SLC43A2: variants seen among roughly 807,000 people sequenced by gnomAD.
The protein encoded by SLC43A2 is solute carrier family 43 member 2.
In SLC43A2, 38 loss-of-function variants were observed where a neutral mutation model predicts 63.2. The ratio of observed to expected loss-of-function variants is 0.60; its 90% CI spans 0.46 to 0.79. The LOEUF (loss-of-function observed/expected upper bound fraction) is 0.79. Ranked by LOEUF, SLC43A2 falls within the 30% of genes least tolerant of loss-of-function variation. SLC43A2 has a pLI of 0.00. For missense variants in SLC43A2, 644 were observed against 756.2 expected, an observed-to-expected ratio of 0.85 and a Z score of 1.74; for synonymous variants, 322 against 331.0, an observed-to-expected ratio of 0.97 and a Z score of 0.30.
Position 1,607,479 on chromosome 17 carries a change from G to T in SLC43A2, c.501+5716C>A, listed in dbSNP as rs1038205615. Reference sequence around the variant, plus strand: ...TTTTGGGGTCTGTTCTCAAGGAGCAGGCACTGGAGCCCTCATCAGAGGCCT... The same window carrying T: ...TTTTGGGGTCTGTTCTCAAGGAGCATGCACTGGAGCCCTCATCAGAGGCCT... On this transcript the variant is annotated intron_variant, in intron 5 of 13. Transcript: ENST00000301335. Among the ~76,000 whole-genome samples the T allele has an allele frequency of 2.6e-5, 4 of 152,172 alleles. No individual in the cohort carries two copies. The East Asian group carries it at 7.7e-4, about 29-fold the overall frequency.
intron 2 of SLC43A2, among the ~76,000 whole-genome samples, chr17:1,619,861 A>C (rs4790237): frequency 1 from 151,827 of 152,330 alleles, 75,672 homozygotes; most frequent in South Asian, 1. Context: ...ACTTGTGGGG[A>C]CAGTGACTGC....
intron 11 of SLC43A2, among the ~76,000 whole-genome samples, chr17:1,579,018 G>A (rs1448977656): frequency 6.6e-6 from 1 of 151,822 alleles, no homozygotes; most frequent in East Asian, 1.9e-4. Context: ...GTGGGCACCT[G>A]TAATCTCAGC....
At chr17:1,597,318 C>T (rs1373508092) in intron 5 of SLC43A2, among the ~76,000 whole-genome samples, 1 of 145,460 alleles carries the variant, frequency 6.9e-6, no homozygotes, top group Non-Finnish European at 1.5e-5. Context: ...GCCTGGCGAA[C>T]ATGGTGAAAC....
At chr17:1,586,928 T>TGGGGCC in intron 9 of SLC43A2, 27 of 1,232,856 alleles carry the variant, frequency 2.2e-5, no homozygotes, top group Non-Finnish European at 2.8e-5. Flanking sequence ...TCCCTGACAA[T>TGGGGCC]CCCCCCCACC....
In SLC43A2 at chr17:1,613,188, T is replaced by C. The variant is rs754302820; in HGVS notation, c.501+7A>G. The stretch of plus-strand genomic sequence containing the variant: ...GAACTACAGAGCTTTAAAAAATCTG[T>C]ACTCACTGTTAATGAGGTGAAGGTC... On this transcript the variant is annotated splice_region_variant and intron_variant, in intron 5 of 13. Coordinates refer to ENST00000301335, the MANE Select transcript of SLC43A2 (RefSeq NM_152346.3). The C allele has an allele frequency of 1.2e-6, 2 of 1,610,992 alleles. No individual in the cohort carries two copies. Among genetic ancestry groups the C allele is most frequent in the South Asian group, 2.2e-5 (2 of 91,002 alleles).
Position 1,583,706 on chromosome 17 carries a change from G to A in SLC43A2, c.1218-370C>T, listed in dbSNP as rs781486863. 2.8e-5 allele frequency: 6 copies of A among 212,610 alleles called. No homozygotes were observed. The highest frequency in any genetic ancestry group is 4.5e-5 in the African/African-American group (2 of 44,100). 13.2% of individuals were successfully genotyped at this position (212,610 alleles called of 1,614,324 possible). On this transcript the variant is annotated intron_variant, in intron 10 of 13. Coordinates refer to ENST00000301335, the MANE Select transcript of SLC43A2 (RefSeq NM_152346.3). The surrounding 1 kb of genome is among the most constrained non-coding windows in gnomAD (Gnocchi z 5.5). ...CAAGTTCACCCAAATCTTGCAGGAC[G>A]CTGATAAGAAGCCAGATACAAGCCA... is the stretch of plus-strand genomic sequence containing the variant.
intron 2 of SLC43A2, among the ~76,000 whole-genome samples, chr17:1,619,512 A>G (rs1907964446): frequency 6.6e-6 from 1 of 152,184 alleles, no homozygotes; most frequent in Non-Finnish European, 1.5e-5. Flanking sequence ...TCCAAAAAGA[A>G]GCTCTACCAC....
At chr17:1,623,385 G>A (rs1281561349) in intron 2 of SLC43A2, among the ~76,000 whole-genome samples, 1 of 152,142 alleles carries the variant, frequency 6.6e-6, no homozygotes, top group Non-Finnish European at 1.5e-5. Context: ...TCAGACTGTG[G>A]GTGACTTCCT....
rs2075816267 is a variant in SLC43A2 at position 1,569,503 on chromosome 17, C to T, written c.*6101G>A. The T allele has an allele frequency of 6.6e-6, 1 of 152,252 alleles. No individual in the cohort carries two copies. The highest frequency in any genetic ancestry group is 1.5e-5 in the Non-Finnish European group (1 of 68,060). 9.4% of individuals were successfully genotyped at this position (152,252 alleles called of 1,614,324 possible). ...AGGGATTCAGCGAGGTAAGACGCTT[C>T]CCCTCTCCTCCATTCAGAGAGCGGC... On this transcript the variant is annotated 3_prime_UTR_variant, in exon 14 of 14. Transcript: ENST00000301335.
Position 1,573,724 on chromosome 17 carries a change from A to G in SLC43A2, c.*1880T>C, listed in dbSNP as rs1471858293. 1 of 151,800 alleles carries G rather than the reference A, an allele frequency of 6.6e-6. No individual in the cohort carries two copies. The highest frequency in any genetic ancestry group is 1.5e-5 in the Non-Finnish European group (1 of 68,030). The allele number at this position is 151,800 out of a possible 1,614,324, so 9.4% of individuals were successfully genotyped here. A position where few individuals can be genotyped will look rare whatever the true frequency, so the allele number is the denominator to read the frequency against. On this transcript the variant is annotated 3_prime_UTR_variant, in exon 14 of 14. Coordinates refer to ENST00000301335, the MANE Select transcript of SLC43A2 (RefSeq NM_152346.3). ...AATCTCCGTCTCCCCGGTTCAAGCG[A>G]TTCTCCTGCCTCAGGCTCCCGAGTA...
chr17:1,616,020 G>C (rs1907626702), intron 3 of SLC43A2, among the ~76,000 whole-genome samples: 1 of 148,058 alleles, frequency 6.8e-6, no homozygotes, highest in Admixed American at 6.7e-5. Context: ...TCCAGCCTGG[G>C]CGACACAGCA....
At chr17:1,587,491 C>T (rs566598846) in intron 9 of SLC43A2, among the ~76,000 whole-genome samples, 8 of 152,322 alleles carry the variant, frequency 5.3e-5, no homozygotes, top group Non-Finnish European at 8.8e-5. Flanking sequence ...CTCCAAGAAA[C>T]GGGGACCATG....
Position 1,605,018 on chromosome 17 carries a change from G to A in SLC43A2, c.501+8177C>T. The A allele has an allele frequency of 4.9e-6, 7 of 1,428,858 alleles. No individual in the cohort carries two copies. The highest frequency in any genetic ancestry group is 1.4e-5 in the African/African-American group (1 of 69,762). 88.5% of individuals were successfully genotyped at this position (1,428,858 alleles called of 1,614,324 possible). A position where few individuals can be genotyped will look rare whatever the true frequency, so the allele number is the denominator to read the frequency against. ...GCGGAGGGGAAGGACCCCAGGAGGG[G>A]AAGGACCAGCTTTGCTGCCAAGCAG... On this transcript the variant is annotated intron_variant, in intron 5 of 13. Coordinates refer to ENST00000301335, the MANE Select transcript of SLC43A2 (RefSeq NM_152346.3). The surrounding 1 kb of genome is among the most constrained non-coding windows in gnomAD (Gnocchi z 4.9).
chr17:1,596,945 G>C (rs1362964814), intron 5 of SLC43A2, among the ~76,000 whole-genome samples: 3 of 152,170 alleles, frequency 2.0e-5, no homozygotes, highest in Non-Finnish European at 4.4e-5. Flanking sequence ...GGCCAGGCGC[G>C]GTGGCTCACG....
At chr17:1,589,074 AG>A (rs1172947185) in intron 9 of SLC43A2, among the ~76,000 whole-genome samples, 1 of 152,172 alleles carries the variant, frequency 6.6e-6, no homozygotes, top group Non-Finnish European at 1.5e-5. Flanking sequence ...CAGAAGGAGG[AG>A]GGGGAAAACC....
chr17:1,624,980 G>A (rs939833847), intron 2 of SLC43A2, among the ~76,000 whole-genome samples: 1 of 152,170 alleles, frequency 6.6e-6, no homozygotes, highest in African/African-American at 2.4e-5. Flanking sequence ...GGACAACAGA[G>A]AAAACGAAGA....
At chr17:1,610,825 T>C (rs1448023812) in intron 5 of SLC43A2, among the ~76,000 whole-genome samples, 1 of 151,450 alleles carries the variant, frequency 6.6e-6, no homozygotes, top group African/African-American at 2.4e-5. Context: ...GGGTCCCTTT[T>C]AAAGTCTTTC....
rs562016644 is a variant in SLC43A2 at position 1,573,629 on chromosome 17, T to C, written c.*1975A>G. The C allele has an allele frequency of 2.0e-5, 3 of 152,360 alleles. No individual in the cohort carries two copies. The South Asian group carries it at 6.2e-4, about 32-fold the overall frequency. 9.4% of individuals were successfully genotyped at this position (152,360 alleles called of 1,614,324 possible). ...ATGTTTATCTCGTTCTCTTTTTTTT[T>C]TTCTTTTTGAGACGGAGCCTCGCTC... On this transcript the variant is annotated 3_prime_UTR_variant, in exon 14 of 14. Coordinates refer to ENST00000301335, the MANE Select transcript of SLC43A2 (RefSeq NM_152346.3).
At chr17:1,610,225 AGAAGT>A (rs1190780878) in intron 5 of SLC43A2, among the ~76,000 whole-genome samples, 1 of 149,672 alleles carries the variant, frequency 6.7e-6, no homozygotes, top group East Asian at 2.0e-4. Flanking sequence ...GCAGGCTCAT[AGAAGT>A]TTAGTCTACA....
Sources: allele counts gnomAD v4.1 joint callset (sites outside exome capture counted in the v4.1 genomes callset), GRCh38; gene constraint gnomAD v4.1.1; non-coding constraint Gnocchi (gnomAD v3.1); transcripts MANE v1.5; gene names NCBI Gene and HGNC (gene_info 2026-07-23, HGNC 2026-07-21).